ZFHX3: variants seen among roughly 807,000 people sequenced by gnomAD.
The protein encoded by ZFHX3 is zinc finger homeobox protein 3.
ZFHX3 carries 42 observed loss-of-function variants against 279.1 expected under a neutral mutation model. That is an observed-to-expected ratio of 0.15 (90% CI 0.12 to 0.19). ZFHX3 has a LOEUF of 0.19. Ranked by LOEUF, ZFHX3 falls within the 10% of genes least tolerant of loss-of-function variation. The pLI, the probability that ZFHX3 is intolerant of heterozygous loss-of-function variation, is 1.00. For synonymous variants in ZFHX3, 2,293 were observed against 1,957.8 expected, an observed-to-expected ratio of 1.17 and a Z score of -4.52; for missense variants, 4,981 against 4,754.0, an observed-to-expected ratio of 1.05 and a Z score of -1.40.
chr16:73,068,486 A>C (rs1181708964), intron 8 of ZFHX3, among the ~76,000 whole-genome samples: 2 of 152,268 alleles, frequency 1.3e-5, no homozygotes, highest in Non-Finnish European at 1.5e-5. Context: ...GGGACAATGC[A>C]ATAGAGAAAT....
chr16:73,189,362 A>G (rs533645721), intron 5 of ZFHX3, among the ~76,000 whole-genome samples: 56 of 152,330 alleles, frequency 3.7e-4, no homozygotes, highest in African/African-American at 1.3e-3. Flanking sequence ...GGCAGATGCC[A>G]CTGTCATTGC....
chr16:73,863,214 CAAAT>C (rs921558890), intron 1 of ZFHX3, among the ~76,000 whole-genome samples: 15 of 151,942 alleles, frequency 9.9e-5, no homozygotes, highest in Non-Finnish European at 1.8e-4. Flanking sequence ...TCAAAATAAA[CAAAT>C]AAATAAATAA....
rs188678621 is a variant in ZFHX3 at position 73,669,628 on chromosome 16, T to G, written c.-1547+10552A>C. ...TAAAAGTCATGCAAAAATCTGAACA[T>G]GAAGACCTGGAGGCCATGAAAGTGA... On this transcript the variant is annotated intron_variant, in intron 2 of 17. Transcript: ENST00000641206. Among the ~76,000 whole-genome samples, 231 of 152,346 alleles carry G rather than the reference T, an allele frequency of 1.5e-3. 1 individual carries two copies. The highest frequency in any genetic ancestry group is 2.9e-3 in the Non-Finnish European group (197 of 68,026).
chr16:72,804,945 G>T (rs1411737564), intron 7 of ZFHX3, among the ~76,000 whole-genome samples: 1 of 152,006 alleles, frequency 6.6e-6, no homozygotes, highest in Non-Finnish European at 1.5e-5. Context: ...GACACATTCT[G>T]TGTGCTGGAA....
At chr16:73,477,829 C>G (rs1187193702) in intron 2 of ZFHX3, among the ~76,000 whole-genome samples, 1 of 152,328 alleles carries the variant, frequency 6.6e-6, no homozygotes, top group East Asian at 1.9e-4. Context: ...TCTTTCAAAC[C>G]TGACCACAAG....
chr16:73,613,584 A>G (rs1389116856), intron 2 of ZFHX3, among the ~76,000 whole-genome samples: 1 of 152,184 alleles, frequency 6.6e-6, no homozygotes, highest in Non-Finnish European at 1.5e-5. Context: ...CTTGATTTAT[A>G]TGAAAGTAAA....
rs550767536 is a variant in ZFHX3 at position 73,284,862 on chromosome 16, A to G, written c.-1193-27726T>C. Among the ~76,000 whole-genome samples, 10 of 152,156 alleles carry G rather than the reference A, an allele frequency of 6.6e-5. No individual in the cohort carries two copies. In the East Asian group the frequency reaches 1.9e-3, roughly 29 times the overall value. On this transcript the variant is annotated intron_variant, in intron 4 of 17. Transcript: ENST00000641206. ...GTGCTTTGTTTTTGTTTTGTTTTTA[A>G]GACACGGTCTCTCCCTGTTGCTCAG...
chr16:72,787,713 GCCGCCACCGCCGCCGCCGCCGCCA>G lies in ZFHX3; in HGVS notation c.10539_10562del (p.Gly3520_Gly3527del). The G allele has an allele frequency of 7.2e-7, 1 of 1,385,138 alleles. No homozygotes were observed. The highest frequency in any genetic ancestry group is 2.8e-5 in the East Asian group (1 of 35,442). The allele number at this position is 1,385,138 out of a possible 1,614,324, so 85.8% of individuals were successfully genotyped here. ...GGTACGAGCCGCCGCCGCCGCCGCC[GCCGCCACCGCCGCCGCCGCCGCCA>G]CTGCCACCGCCGCCGCCGCCGGTGG... is the stretch of plus-strand genomic sequence containing the variant. On this transcript the variant is annotated inframe_deletion, in exon 10 of 10. Transcript: ENST00000268489.
Position 72,786,874 on chromosome 16 carries a change from G to A in ZFHX3, c.*290C>T, listed in dbSNP as rs943304767. 1 of 185,412 alleles carries A rather than the reference G, an allele frequency of 5.4e-6. No homozygotes were observed. The highest frequency in any genetic ancestry group is 1.1e-5 in the Non-Finnish European group (1 of 91,722). The allele number at this position is 185,412 out of a possible 1,614,324, so 11.5% of individuals were successfully genotyped here. On this transcript the variant is annotated 3_prime_UTR_variant, in exon 10 of 10. Transcript: ENST00000268489. The stretch of plus-strand genomic sequence containing the variant: ...TCCAAAGACATTAGGGAGGCCCTGC[G>A]GACTTCTGTTTCCCAGACCAATAGT...
intron 2 of ZFHX3, among the ~76,000 whole-genome samples, chr16:73,677,241 T>C (rs1470726646): frequency 6.6e-6 from 1 of 151,896 alleles, no homozygotes; most frequent in East Asian, 1.9e-4. Flanking sequence ...TAACATGATG[T>C]CATAAAATCA....
chr16:73,331,524 T>C lies in ZFHX3; in HGVS notation c.-1290-13188A>G, dbSNP rs1342831758. On this transcript the variant is annotated intron_variant, in intron 3 of 17. Transcript: ENST00000641206. ...CTTCTGTTGCCACAGAACAAAACCA[T>C]GCTATCTGGTCTGTGCAGAGAGTAC... is the stretch of plus-strand genomic sequence containing the variant. 2.6e-5 allele frequency among the ~76,000 whole-genome samples: 4 copies of C among 152,186 alleles called. No individual in the cohort carries two copies. The South Asian group carries it at 8.3e-4, about 32-fold the overall frequency.
intron 2 of ZFHX3, among the ~76,000 whole-genome samples, chr16:73,548,714 AC>A (rs1320187760): frequency 6.6e-6 from 1 of 152,210 alleles, no homozygotes; most frequent in Non-Finnish European, 1.5e-5. Flanking sequence ...GAAGGTGTAA[AC>A]AAAATATAAA....
chr16:73,337,700 C>A (rs545174503), intron 3 of ZFHX3, among the ~76,000 whole-genome samples: 8 of 151,986 alleles, frequency 5.3e-5, no homozygotes, highest in African/African-American at 1.9e-4. Context: ...GACTTGCTCA[C>A]TTCTCATGAC....
chr16:72,796,283 C>T lies in ZFHX3; in HGVS notation c.6399G>A (p.Gln2133=), dbSNP rs2035897519. Residue 2133 remains glutamine, a synonymous_variant, in exon 9 of 10, where the codon CAG becomes CAA. Coordinates refer to ENST00000268489, the MANE Select transcript of ZFHX3 (RefSeq NM_006885.4). ...PLPADLAQLY[Q]HQLNPTLLQQ... ...GGAGCAGGGTTGGATTGAGCTGATG[C>T]TGGTAGAGTTGGGCCAGGTCCGCAG... 2 of 1,614,072 alleles carry T rather than the reference C, an allele frequency of 1.2e-6. No individual in the cohort carries two copies. The highest frequency in any genetic ancestry group is 1.7e-6 in the Non-Finnish European group (2 of 1,180,030).
chr16:73,238,951 GTGCTAC>G (rs1259176596), intron 5 of ZFHX3, among the ~76,000 whole-genome samples: 3 of 152,000 alleles, frequency 2.0e-5, no homozygotes, highest in Non-Finnish European at 4.4e-5. Flanking sequence ...GCTGGGTTAC[GTGCTAC>G]TGCAAGACCC....
At chr16:73,296,877 A>ATGTTTTTTTTTT (rs755308796) in intron 4 of ZFHX3, among the ~76,000 whole-genome samples, 4,776 of 115,250 alleles carry the variant, frequency 0.041, 601 homozygotes, top group Non-Finnish European at 0.058. Flanking sequence ...TGAAGCAGGA[A>ATGTTTTTTTTTT]TTTTTTTTTT....
rs141895743 is a variant in ZFHX3 at position 73,808,954 on chromosome 16, T to C, written c.-1608+82697A>G. Among the ~76,000 whole-genome samples the C allele has an allele frequency of 2.0e-4, 30 of 152,316 alleles. 1 individual carries two copies. The East Asian group carries it at 2.3e-3, about 12-fold the overall frequency. On this transcript the variant is annotated intron_variant, in intron 1 of 17. Coordinates refer to the ZFHX3 transcript ENST00000641206. ...CTACTATGTAGAGAAGCAGCATTGA[T>C]AACAGTTGATTACTGACCCAGTGCC...
chr16:73,585,866 G>T (rs1004268201), intron 2 of ZFHX3, among the ~76,000 whole-genome samples: 1 of 151,654 alleles, frequency 6.6e-6, no homozygotes, highest in Non-Finnish European at 1.5e-5. Context: ...TAACTTATAC[G>T]TAATTAACAA....
chr16:73,820,911 A>G (rs1456988617), intron 1 of ZFHX3, among the ~76,000 whole-genome samples: 2 of 151,924 alleles, frequency 1.3e-5, no homozygotes, highest in African/African-American at 2.4e-5. Flanking sequence ...AACAGACATC[A>G]TCATCACCCT....
Sources: allele counts gnomAD v4.1 joint callset (sites outside exome capture counted in the v4.1 genomes callset), GRCh38; gene constraint gnomAD v4.1.1; transcripts MANE v1.5; gene names NCBI Gene and HGNC (gene_info 2026-07-23, HGNC 2026-07-21).